The following SRCAP variants were observed in gnomAD, a reference collection of about 807,000 sequenced individuals.
SRCAP encodes chromatin remodeling protein SRCAP.
Under a neutral mutation model 263.1 loss-of-function variants are expected in SRCAP, and 46 were observed. The observed-to-expected ratio is 0.17, with a 90% CI of 0.14 to 0.22. The LOEUF is 0.22. SRCAP is among the 10% of genes least tolerant of loss of function. SRCAP has a pLI of 1.00. For missense variants in SRCAP, 3,695 were observed against 4,181.9 expected (o/e 0.88, Z 3.21); for synonymous variants, 1,813 against 1,662.1 (o/e 1.09, Z -2.21).
intron 1 of SRCAP, 97 bp downstream of exon 1, chr16:30,699,339 C>T (rs2052739639): frequency 2.5e-6 from 1 of 396,852 alleles, no homozygotes; most frequent in East Asian, 3.6e-5. Flanking sequence ...GAAGCATTTC[C>T]GGGCCTCCTG....
rs1236259167 is a variant in SRCAP at position 30,720,695 on chromosome 16, CTT to C, written c.2988-17_2988-16del. On this transcript the variant is annotated splice_polypyrimidine_tract_variant and intron_variant, in intron 19 of 33. Coordinates refer to ENST00000262518, the MANE Select transcript of SRCAP (RefSeq NM_006662.3). ...TTCTCCTTCTGTCCCTACCCACTCT[CTT>C]AATTTTTTCTCACAGGATGCTGCAG... is the stretch of plus-strand genomic sequence containing the variant. The C allele has an allele frequency of 5.1e-6, 8 of 1,577,200 alleles. No homozygotes were observed. Among genetic ancestry groups the C allele is most frequent in the Middle Eastern group, 1.7e-4 (1 of 5,928 alleles).
chr16:30,707,736 G>A lies in SRCAP; in HGVS notation c.633+24G>A, dbSNP rs184474420. 1.1e-4 allele frequency: 184 copies of A among 1,613,408 alleles called. 1 individual carries two copies. The African/African-American group carries it at 2.3e-3, about 20-fold the overall frequency. ...AGGTAGACAGTGGGGATCAGGAAAG[G>A]AAAATGGCCTTGGATTAGATTGGTA... is the stretch of plus-strand genomic sequence containing the variant. On this transcript the variant is annotated intron_variant, in intron 6 of 33. Coordinates refer to ENST00000262518, the MANE Select transcript of SRCAP (RefSeq NM_006662.3).
chr16:30,707,440 C>T (rs1232531677), intron 5 of SRCAP, 72 bp downstream of exon 5: 2 of 1,599,298 alleles, frequency 1.3e-6, no homozygotes. Context: ...TGGAAGGGGA[C>T]CAGACAGAAT....
Position 30,713,525 on chromosome 16 carries a change from A to G in SRCAP, c.2307A>G (p.Arg769=). 6.2e-7 allele frequency: 1 copy of G among 1,614,008 alleles called. No individual in the cohort carries two copies. ...WQSLLNFNSQ[R]RLLLTGTPLQ... ...TCTCTCTGTCTCTTTGCAGCCAGAG[A>G]CGCCTGCTCCTGACAGGAACTCCCT... Residue 769 remains arginine (R), a synonymous_variant, in exon 16 of 34, where the codon AGA becomes AGG. Transcript: ENST00000262518.
Position 30,724,201 on chromosome 16 carries a change from C to T in SRCAP, c.4777C>T (p.Pro1593Ser), listed in dbSNP as rs772916501. Residue 1593 changes from proline (P) to serine (S), a missense_variant, in exon 25 of 34, where the codon CCA becomes TCA. Pro to Ser is a moderately conservative substitution (Grantham distance 74). Coordinates refer to ENST00000262518, the MANE Select transcript of SRCAP (RefSeq NM_006662.3). The stretch of plus-strand genomic sequence containing the variant: ...CACCCCTCTGGCTCCTATGGCGGCT[C>T]CACAGACAGCAATTCTGGCTCCTTC... ...LATPLAPMAA[P>S]QTAILAPSPA... 2 of 1,614,060 alleles carry T rather than the reference C, an allele frequency of 1.2e-6. No individual in the cohort carries two copies. The highest frequency in any genetic ancestry group is 1.6e-4 in the Middle Eastern group (1 of 6,062).
chr16:30,729,217 A>G lies in SRCAP; in HGVS notation c.5910A>G (p.Ser1970=). ...CCCAGCAGCGACTAGACCAGCTGTC[A>G]GAAATCATTGAGAGGTTGGCAGGGC... is the stretch of plus-strand genomic sequence containing the variant. ...LFPQQRLDQL[S]EIIERFIFVM... The change falls in exon 26 of 34, where the codon TCA becomes TCG. Residue 1970 remains serine, a synonymous_variant. Transcript: ENST00000262518. The G allele has an allele frequency of 6.2e-7, 1 of 1,607,624 alleles. No homozygotes were observed. Among genetic ancestry groups the G allele is most frequent in the Non-Finnish European group, 8.5e-7 (1 of 1,175,282 alleles).
intron 6 of SRCAP, among the ~76,000 whole-genome samples, chr16:30,708,060 C>T: frequency 6.6e-6 from 1 of 152,252 alleles, no homozygotes; most frequent in East Asian, 1.9e-4. Flanking sequence ...CAGTTTCCGT[C>T]TGTATTTTCG....
In SRCAP at chr16:30,710,097, G is replaced by C. The variant is rs746519724; in HGVS notation, c.1103G>C (p.Gly368Ala). 5.6e-6 allele frequency: 9 copies of C among 1,613,974 alleles called. No individual in the cohort carries two copies. In the Admixed American group the frequency reaches 1.3e-4, roughly 24 times the overall value. ...GACACCCGAGATGGGCCTGAAGAAG[G>C]TGCTGAAGAAGAGCCCCCTCAGGTG... ...DSDTRDGPEE[G>A]AEEEPPQVLE... The change falls in exon 8 of 34, where the codon GGT becomes GCT. Residue 368 changes from glycine to alanine, a missense_variant. This residue lies in a region of SRCAP where 288 missense variants were observed against 302.4 expected (regional missense o/e 0.95). Coordinates refer to ENST00000262518, the MANE Select transcript of SRCAP (RefSeq NM_006662.3).
chr16:30,729,732 G>A (rs143176576), intron 27 of SRCAP, among the ~76,000 whole-genome samples, 160 bp downstream of exon 27: 117 of 152,264 alleles, frequency 7.7e-4, no homozygotes, highest in African/African-American at 2.7e-3. Flanking sequence ...AGAAATGTAA[G>A]CCTTGTTAGA....
intron 22 of SRCAP, 42 bp from the exon 23 acceptor site, chr16:30,722,521 G>T (rs754875999): frequency 6.2e-7 from 1 of 1,607,220 alleles, no homozygotes; most frequent in South Asian, 1.1e-5. Context: ...TCCTCAGGCT[G>T]ATAGCTGCTT....
In SRCAP at chr16:30,708,566, G is replaced by GTATTTTTA. The variant is rs1486710510; in HGVS notation, c.633+855_633+862dup. Among the ~76,000 whole-genome samples, 9 of 151,594 alleles carry GTATTTTTA rather than the reference G, an allele frequency of 5.9e-5. No individual in the cohort carries two copies. In the East Asian group the frequency reaches 1.8e-3, roughly 30 times the overall value. ...GTGCCACTATGTCTGGCTAATTTTT[G>GTATTTTTA]TATTTTTAGTAGAGACAGGGTTTTG... On this transcript the variant is annotated intron_variant, in intron 6 of 33. Transcript: ENST00000262518.
At chr16:30,708,096 C>T (rs1017873732) in intron 6 of SRCAP, among the ~76,000 whole-genome samples, 2 of 152,208 alleles carry the variant, frequency 1.3e-5, no homozygotes, top group African/African-American at 2.4e-5. Flanking sequence ...ATGTTCATTC[C>T]TTCTCCCTTC....
At chr16:30,725,141 G>T (rs778826437) in intron 25 of SRCAP, 59 bp downstream of exon 25, 473 of 1,546,396 alleles carry the variant, frequency 3.1e-4, no homozygotes, top group Middle Eastern at 7.0e-4. Context: ...GTGTTGGTAG[G>T]GTGGATGGAA....
intron 18 of SRCAP, among the ~76,000 whole-genome samples, chr16:30,716,800 T>C (rs1411301811): frequency 6.6e-6 from 1 of 152,228 alleles, no homozygotes; most frequent in Non-Finnish European, 1.5e-5. Flanking sequence ...TTGCTGAGGG[T>C]TTGTTGGAAT....
chr16:30,700,925 G>A lies in SRCAP; in HGVS notation c.54+47G>A, dbSNP rs181248185. ...CTTCTCTGCTTCTGCTTTGTGGATT[G>A]TTGAGTGTGAGGCAGAAGAAATGTG... On this transcript the variant is annotated intron_variant, in intron 3 of 33. Transcript: ENST00000262518. The A allele has an allele frequency of 2.3e-5, 36 of 1,596,256 alleles. No homozygotes were observed. In the East Asian group the frequency reaches 8.0e-4, roughly 36 times the overall value.
At chr16:30,712,215 A>G in intron 12 of SRCAP, 47 bp from the exon 13 acceptor site, 1 of 1,599,328 alleles carries the variant, frequency 6.3e-7, no homozygotes. Context: ...TGTCCCCACA[A>G]CAAATGCCTC....
At chr16:30,714,860 G>A (rs1344365052) in intron 16 of SRCAP, among the ~76,000 whole-genome samples, 1 of 151,942 alleles carries the variant, frequency 6.6e-6, no homozygotes, top group East Asian at 1.9e-4. Flanking sequence ...TACTGTCTTT[G>A]AGTAGAATGG....
chr16:30,714,391 A>G (rs1171590031), intron 16 of SRCAP, among the ~76,000 whole-genome samples: 1 of 151,044 alleles, frequency 6.6e-6, no homozygotes, highest in East Asian at 2.0e-4. Flanking sequence ...TTGTATTTTT[A>G]GTAGAGTCGG....
rs1790113720 is a variant in SRCAP at position 30,737,894 on chromosome 16, T to C, written c.7854T>C (p.Asn2618=). The part of the protein sequence containing the change: ...SLTLEAGSIP[N]GQEQEAPDSA... Reference sequence around the variant, plus strand: ...CCTTGGAGGCTGGCAGCATCCCCAATGGTCAAGAGCAGGAGGCACCAGATT... The same window carrying C: ...CCTTGGAGGCTGGCAGCATCCCCAACGGTCAAGAGCAGGAGGCACCAGATT... Residue 2618 remains asparagine (N), a synonymous_variant, in exon 34 of 34, where the codon AAT becomes AAC. Coordinates refer to ENST00000262518, the MANE Select transcript of SRCAP (RefSeq NM_006662.3). 6.2e-7 allele frequency: 1 copy of C among 1,614,120 alleles called. No individual in the cohort carries two copies.
Sources: allele counts gnomAD v4.1 joint callset (sites outside exome capture counted in the v4.1 genomes callset), GRCh38; gene constraint gnomAD v4.1.1; regional missense constraint gnomAD v4.1.1; transcripts MANE v1.5; gene names NCBI Gene and HGNC (gene_info 2026-07-23, HGNC 2026-07-21).